The following RAB15 variants were observed in gnomAD, a reference collection of about 807,000 sequenced individuals.
RAB15 encodes ras-related protein Rab-15.
A neutral mutation model predicts 31.8 loss-of-function variants in RAB15; 13 were observed. That is an observed-to-expected ratio of 0.41 (90% CI 0.27 to 0.65). The LOEUF is 0.65. Ranked by LOEUF, RAB15 falls within the 30% of genes least tolerant of loss-of-function variation. RAB15 has a pLI of 0.32. For missense variants in RAB15, 220 were observed against 277.3 expected (o/e 0.79, Z 1.47); for synonymous variants, 100 against 105.6 (o/e 0.95, Z 0.33).
At position 64,971,806 on chromosome 14, in the gene RAB15, ACC is replaced by A; in HGVS notation, c.124+145_124+146del. Reference sequence around the variant, plus strand: ...CCCTCACCTGCCAAAACCTATGCTCACCCCGAGATTTATCCCGGACTCCGGCC... The same window carrying A: ...CCCTCACCTGCCAAAACCTATGCTCACCGAGATTTATCCCGGACTCCGGCC... On this transcript the variant is annotated intron_variant, in intron 1 of 6. Coordinates refer to ENST00000533601, the MANE Select transcript of RAB15 (RefSeq NM_001308154.2). The surrounding 1 kb of genome is among the most constrained non-coding windows in gnomAD (Gnocchi z 4.1). 1 of 743,902 alleles carries A rather than the reference ACC, an allele frequency of 1.3e-6. No homozygotes were observed. Among genetic ancestry groups the A allele is most frequent in the Non-Finnish European group, 2.1e-6 (1 of 466,392 alleles). The allele number at this position is 743,902 out of a possible 1,614,324, so 46.1% of individuals were successfully genotyped here.
rs960386377 is a variant in RAB15 at position 64,958,879 on chromosome 14, C to T, written c.125-6308G>A. On this transcript the variant is annotated intron_variant, in intron 1 of 6. Transcript: ENST00000533601. The surrounding 1 kb of genome is among the most constrained non-coding windows in gnomAD (Gnocchi z 4.4). ...TGCCCATCATGGTGCCTGCCACACC[C>T]TGTGTCCCTTTCTGGCTAGAACAGC... 6.6e-6 allele frequency among the ~76,000 whole-genome samples: 1 copy of T among 152,220 alleles called. No individual in the cohort carries two copies. Among genetic ancestry groups the T allele is most frequent in the African/African-American group, 2.4e-5 (1 of 41,462 alleles).
At chr14:64,966,117 G>A (rs1477514538) in intron 1 of RAB15, among the ~76,000 whole-genome samples, 1 of 152,186 alleles carries the variant, frequency 6.6e-6, no homozygotes, top group Non-Finnish European at 1.5e-5. Context: ...CAGGGAAAGG[G>A]GGGTACTAGA....
Position 64,972,092 on chromosome 14 carries a change from G to A in RAB15, c.-16C>T, listed in dbSNP as rs1887460636. The A allele has an allele frequency of 2.5e-6, 4 of 1,586,868 alleles. No individual in the cohort carries two copies. Among genetic ancestry groups the A allele is most frequent in the Non-Finnish European group, 3.4e-6 (4 of 1,169,328 alleles). On this transcript the variant is annotated 5_prime_UTR_variant, in exon 1 of 7. Coordinates refer to ENST00000533601, the MANE Select transcript of RAB15 (RefSeq NM_001308154.2). The surrounding 1 kb of genome is among the most constrained non-coding windows in gnomAD (Gnocchi z 6.3). ...GCTTCGCCATGACTGGGGCCAGCGGGGCCGGGAACTGCGGGCGGGCAGCGG... is the reference window on the plus strand; with the variant it reads ...GCTTCGCCATGACTGGGGCCAGCGGAGCCGGGAACTGCGGGCGGGCAGCGG...
Position 64,954,505 on chromosome 14 carries a change from C to T in RAB15, c.125-1934G>A. ...GACAGTGCCTTGTGCAAAGCCATCA[C>T]AAGGGGGACAGGAAGAGAGAAGGTT... is the stretch of plus-strand genomic sequence containing the variant. On this transcript the variant is annotated intron_variant, in intron 1 of 6. Transcript: ENST00000533601. This position sits in a 1 kb window ranked among gnomAD's most constrained non-coding sequence, Gnocchi z 4.3. 2.0e-6 allele frequency: 2 copies of T among 985,476 alleles called. No individual in the cohort carries two copies. Among genetic ancestry groups the T allele is most frequent in the Non-Finnish European group, 2.4e-6 (2 of 829,948 alleles). 61.0% of individuals were successfully genotyped at this position (985,476 alleles called of 1,614,324 possible).
At chr14:64,965,149 CTTTTTG>C (rs1887064091) in intron 1 of RAB15, among the ~76,000 whole-genome samples, 1 of 152,088 alleles carries the variant, frequency 6.6e-6, no homozygotes, top group Non-Finnish European at 1.5e-5. Context: ...CTTTTCTTTT[CTTTTTG>C]TTTTTTTAAG....
At position 64,952,555 on chromosome 14, in the gene RAB15, C is replaced by T; in HGVS notation, c.141G>A (p.Met47Ile). Residue 47 changes from methionine to isoleucine, a missense_variant, in exon 2 of 7, where the codon ATG (methionine) becomes ATA (isoleucine). Met to Ile is a conservative substitution (Grantham distance 10). Transcript: ENST00000533601. The surrounding 1 kb of genome is among the most constrained non-coding windows in gnomAD (Gnocchi z 4.2). Reference protein sequence around the residue: ...HISTIGVDFKMKTIEVDGIKV... With the variant: ...HISTIGVDFKIKTIEVDGIKV... Reference sequence around the variant, plus strand: ...TGATGCCGTCTACCTCTATGGTCTTCATCTTAAAGTCAACACCTGAAGAAA... The same window carrying T: ...TGATGCCGTCTACCTCTATGGTCTTTATCTTAAAGTCAACACCTGAAGAAA... 1 of 1,611,978 alleles carries T rather than the reference C, an allele frequency of 6.2e-7. No homozygotes were observed. The highest frequency in any genetic ancestry group is 8.5e-7 in the Non-Finnish European group (1 of 1,178,344).
chr14:64,962,922 G>A lies in RAB15; in HGVS notation c.124+9031C>T, dbSNP rs898431894. Among the ~76,000 whole-genome samples the A allele has an allele frequency of 1.3e-5, 2 of 152,100 alleles. No homozygotes were observed. The highest frequency in any genetic ancestry group is 1.5e-5 in the Non-Finnish European group (1 of 68,020). ...TACACTTGTCTGGAGGCGTGAACCT[G>A]AAGAATACACCAAGAAACTTCTCAA... On this transcript the variant is annotated intron_variant, in intron 1 of 6. Coordinates refer to ENST00000533601, the MANE Select transcript of RAB15 (RefSeq NM_001308154.2). The surrounding 1 kb of genome is among the most constrained non-coding windows in gnomAD (Gnocchi z 4.2).
Position 64,948,270 on chromosome 14 carries a change from A to C in RAB15, c.*84T>G. ...TAGGGTCATCACACGAGAGGACAGC[A>C]GCAGGGCAAAGCCCCGGCTCCCCTG... On this transcript the variant is annotated 3_prime_UTR_variant, in exon 7 of 7. Coordinates refer to ENST00000533601, the MANE Select transcript of RAB15 (RefSeq NM_001308154.2). The surrounding 1 kb of genome is among the most constrained non-coding windows in gnomAD (Gnocchi z 7.0). 7.3e-7 allele frequency: 1 copy of C among 1,369,260 alleles called. No individual in the cohort carries two copies. Among genetic ancestry groups the C allele is most frequent in the Non-Finnish European group, 9.6e-7 (1 of 1,039,178 alleles). 84.8% of individuals were successfully genotyped at this position (1,369,260 alleles called of 1,614,324 possible).
intron 1 of RAB15, among the ~76,000 whole-genome samples, chr14:64,963,828 C>T (rs1886981818): frequency 6.6e-6 from 1 of 152,118 alleles, no homozygotes; most frequent in Non-Finnish European, 1.5e-5. Context: ...GTGTGCTTCC[C>T]CCACACCCAG....
At position 64,950,267 on chromosome 14, in the gene RAB15, C is replaced by A; in HGVS notation, c.414+58G>T. The A allele has an allele frequency of 7.1e-7, 1 of 1,411,094 alleles. No homozygotes were observed. The highest frequency in any genetic ancestry group is 1.0e-6 in the Non-Finnish European group (1 of 996,300). The allele number at this position is 1,411,094 out of a possible 1,614,324, so 87.4% of individuals were successfully genotyped here. A position where few individuals can be genotyped will look rare whatever the true frequency, so the allele number is the denominator to read the frequency against. ...CACCCCTAGGTCCCCACGCTCAGGACTGGCCCTGGAGGCCCAGCAGAGGAC... is the reference window on the plus strand; with the variant it reads ...CACCCCTAGGTCCCCACGCTCAGGAATGGCCCTGGAGGCCCAGCAGAGGAC... On this transcript the variant is annotated intron_variant, in intron 5 of 6. Coordinates refer to ENST00000533601, the MANE Select transcript of RAB15 (RefSeq NM_001308154.2). This position sits in a 1 kb window ranked among gnomAD's most constrained non-coding sequence, Gnocchi z 5.6.
chr14:64,961,001 C>T lies in RAB15; in HGVS notation c.125-8430G>A, dbSNP rs554318275. On this transcript the variant is annotated intron_variant, in intron 1 of 6. Transcript: ENST00000533601. ...GCTTGCCTGCCTGCCAGCCAAGCTC[C>T]GCATGCTTCAGTGGAAACAGGGCTG... Among the ~76,000 whole-genome samples, 5 of 152,274 alleles carry T rather than the reference C, an allele frequency of 3.3e-5. No individual in the cohort carries two copies. In the East Asian group the frequency reaches 5.8e-4, roughly 18 times the overall value.
chr14:64,949,945 G>T (rs1886155294), intron 5 of RAB15, among the ~76,000 whole-genome samples: 1 of 152,020 alleles, frequency 6.6e-6, no homozygotes, highest in South Asian at 2.1e-4. Context: ...TGGGTGGGAT[G>T]GGAGATCATT....
chr14:64,965,384 G>T (rs1186929055), intron 1 of RAB15, among the ~76,000 whole-genome samples: 1 of 152,186 alleles, frequency 6.6e-6, no homozygotes, highest in African/African-American at 2.4e-5. Flanking sequence ...GCTTGAACCC[G>T]GGAGACAGAA....
intron 1 of RAB15, among the ~76,000 whole-genome samples, chr14:64,960,384 G>A (rs985638153): frequency 6.6e-6 from 1 of 152,172 alleles, no homozygotes; most frequent in African/African-American, 2.4e-5. Flanking sequence ...TCCCATCACT[G>A]TCTGCCTCCC....
intron 1 of RAB15, among the ~76,000 whole-genome samples, chr14:64,969,294 T>C (rs1048529158): frequency 7.9e-5 from 12 of 152,234 alleles, no homozygotes; most frequent in Admixed American, 3.3e-4. Flanking sequence ...ACTCATTTCG[T>C]TGGCTCCTTG....
rs577613787 is a variant in RAB15 at position 64,951,463 on chromosome 14, G to A, written c.246+140C>T. 23 of 828,606 alleles carry A rather than the reference G, an allele frequency of 2.8e-5. No homozygotes were observed. The highest frequency in any genetic ancestry group is 4.9e-5 in the Non-Finnish European group (23 of 472,240). 51.3% of individuals were successfully genotyped at this position (828,606 alleles called of 1,614,324 possible). A position where few individuals can be genotyped will look rare whatever the true frequency, so the allele number is the denominator to read the frequency against. ...AACAATGGACGGACAAATGATCAGT[G>A]AACAGCTGAAAGACGCCCTGCGCTC... On this transcript the variant is annotated intron_variant, in intron 3 of 6. Transcript: ENST00000533601. The surrounding 1 kb of genome is among the most constrained non-coding windows in gnomAD (Gnocchi z 7.2).
chr14:64,948,477 G>A lies in RAB15; in HGVS notation c.516C>T (p.Ala172=). ...FTRLTELVLQ[A]HRKELEGLRM... is the part of the protein sequence containing the mutation. Reference sequence around the variant, plus strand: ...GGAGGCCTTCCAGCTCCTTCCTATGGGCCTGCAGCACCAGCTCTGTCAGAC... The same window carrying A: ...GGAGGCCTTCCAGCTCCTTCCTATGAGCCTGCAGCACCAGCTCTGTCAGAC... The change falls in exon 7 of 7, where the codon GCC becomes GCT. Residue 172 remains alanine (A), a synonymous_variant. Coordinates refer to ENST00000533601, the MANE Select transcript of RAB15 (RefSeq NM_001308154.2). The surrounding 1 kb of genome is among the most constrained non-coding windows in gnomAD (Gnocchi z 7.0). The A allele has an allele frequency of 6.2e-7, 1 of 1,612,374 alleles. No homozygotes were observed. Among genetic ancestry groups the A allele is most frequent in the Non-Finnish European group, 8.5e-7 (1 of 1,179,218 alleles).
At chr14:64,969,809 T>C (rs967266869) in intron 1 of RAB15, among the ~76,000 whole-genome samples, 2 of 152,196 alleles carry the variant, frequency 1.3e-5, no homozygotes, top group Non-Finnish European at 2.9e-5. Context: ...CTATTTAGTG[T>C]TCACCTATTA....
chr14:64,972,228 G>A lies in RAB15; in HGVS notation c.-152C>T. On this transcript the variant is annotated 5_prime_UTR_variant, in exon 1 of 7. Transcript: ENST00000533601. This position sits in a 1 kb window ranked among gnomAD's most constrained non-coding sequence, Gnocchi z 6.3. ...CCGCGGCTGCCTCGCCCGCCCGCCT[G>A]CCCACTCGCTCGCTGGGTGCCGGGA... The A allele has an allele frequency of 2.5e-6, 1 of 400,758 alleles. No homozygotes were observed. Among genetic ancestry groups the A allele is most frequent in the South Asian group, 1.0e-4 (1 of 9,904 alleles). The allele number at this position is 400,758 out of a possible 1,614,324, so 24.8% of individuals were successfully genotyped here.
Sources: gnomAD v4.1 joint callset for allele counts (sites outside exome capture counted in the v4.1 genomes callset) on GRCh38, gnomAD v4.1.1 for gene constraint, Gnocchi (gnomAD v3.1) non-coding constraint, MANE v1.5 for transcripts, NCBI Gene and HGNC (gene_info 2026-07-23, HGNC 2026-07-21) for gene names.